GRIP1: variants seen among roughly 807,000 people sequenced by gnomAD.
GRIP1 encodes the protein glutamate receptor-interacting protein 1.
Under a neutral mutation model 129.9 loss-of-function variants are expected in GRIP1, and 45 were observed. That is an observed-to-expected ratio of 0.35 (90% confidence interval 0.27 to 0.44). The LOEUF is 0.44. GRIP1 is among the 20% of genes least tolerant of loss of function. The pLI is 1.00. For synonymous variants in GRIP1, 530 were observed against 520.8 expected (o/e 1.02, Z -0.24); for missense variants, 1,196 against 1,396.8 (o/e 0.86, Z 2.29).
intron 7 of GRIP1, among the ~76,000 whole-genome samples, chr12:66,513,740 A>T (rs1356688882): frequency 6.6e-6 from 1 of 152,148 alleles, no homozygotes; most frequent in African/African-American, 2.4e-5. Context: ...TCCTATAAGG[A>T]GCTGACTAGG....
At chr12:66,977,323 C>T (rs895238084) in intron 1 of GRIP1, among the ~76,000 whole-genome samples, 1 of 151,464 alleles carries the variant, frequency 6.6e-6, no homozygotes, top group Non-Finnish European at 1.5e-5. Context: ...ATCATAAGCT[C>T]TAGAACTGAC....
intron 2 of GRIP1, among the ~76,000 whole-genome samples, chr12:66,583,469 C>T (rs1286528549): frequency 7.8e-5 from 10 of 128,532 alleles, no homozygotes; most frequent in African/African-American, 3.0e-4. Flanking sequence ...AGTGAACAGG[C>T]AACCTACAAA....
chr12:66,383,617 C>T (rs746700475), intron 19 of GRIP1, among the ~76,000 whole-genome samples: 4 of 152,114 alleles, frequency 2.6e-5, no homozygotes, highest in East Asian at 1.9e-4. Flanking sequence ...CTGTGCTGTG[C>T]GGTAAGCAAG....
intron 1 of GRIP1, among the ~76,000 whole-genome samples, chr12:67,039,147 C>T (rs1422546609): frequency 6.6e-6 from 1 of 151,964 alleles, no homozygotes; most frequent in Non-Finnish European, 1.5e-5. Context: ...AGGAGTGAGA[C>T]AGATTTATAT....
At chr12:67,010,452 A>T (rs1410366507) in intron 1 of GRIP1, among the ~76,000 whole-genome samples, 1 of 152,186 alleles carries the variant, frequency 6.6e-6, no homozygotes, top group Non-Finnish European at 1.5e-5. Flanking sequence ...ATGGCAAGAA[A>T]ACACACTAGT....
intron 9 of GRIP1, among the ~76,000 whole-genome samples, chr12:66,461,993 G>A (rs74525644): frequency 0.025 from 3,734 of 152,246 alleles, 149 homozygotes; most frequent in African/African-American, 0.086. Flanking sequence ...TGGAAAACTT[G>A]ACTTCATTTG....
upstream of GRIP1, among the ~76,000 whole-genome samples, chr12:66,809,033 C>T (rs181382729): frequency 2.9e-4 from 44 of 152,274 alleles, no homozygotes; most frequent in East Asian, 6.6e-3. Flanking sequence ...TAGAAAAATT[C>T]GTTCACATGA....
intron 1 of GRIP1, among the ~76,000 whole-genome samples, chr12:66,659,843 T>C (rs1286611135): frequency 6.6e-6 from 1 of 152,112 alleles, no homozygotes; most frequent in Non-Finnish European, 1.5e-5. Context: ...TTCTCTCTAG[T>C]GGAAAAGAAA....
intron 1 of GRIP1, among the ~76,000 whole-genome samples, chr12:67,012,565 C>T (rs796615129): frequency 2.6e-5 from 4 of 152,280 alleles, no homozygotes; most frequent in African/African-American, 9.6e-5. Flanking sequence ...GTGACAAGAG[C>T]TTCATATGCC....
In GRIP1 at chr12:66,893,885, T is replaced by C. The variant is rs74904546; in HGVS notation, c.58+175165A>G. Among the ~76,000 whole-genome samples the C allele has an allele frequency of 5.5e-4, 83 of 152,240 alleles. No individual in the cohort carries two copies. The East Asian group carries it at 0.012, about 23-fold the overall frequency. On this transcript the variant is annotated intron_variant, in intron 1 of 1. Coordinates refer to the GRIP1 transcript ENST00000643019. ...ATCTTACTCAAACCAAAAGCCAAAG[T>C]CTGTCATTCAGTCATCCCAAAGACC...
intron 1 of GRIP1, among the ~76,000 whole-genome samples, chr12:66,950,932 C>T (rs1038652409): frequency 2.6e-5 from 4 of 152,152 alleles, no homozygotes; most frequent in African/African-American, 9.7e-5. Flanking sequence ...GATCAACCAG[C>T]TCAAATCTGC....
intron 1 of GRIP1, among the ~76,000 whole-genome samples, chr12:66,691,752 G>C (rs1443292709): frequency 6.6e-6 from 1 of 152,130 alleles, no homozygotes; most frequent in East Asian, 1.9e-4. Flanking sequence ...CCTAGGAAGA[G>C]AGTCCTTCCA....
intron 1 of GRIP1, among the ~76,000 whole-genome samples, chr12:66,863,002 T>C (rs566696786): frequency 5.3e-5 from 8 of 151,856 alleles, no homozygotes; most frequent in African/African-American, 1.4e-4. Context: ...ACATGTAAAG[T>C]TGGATGATAA....
At chr12:66,946,778 T>G (rs1008097976) in intron 1 of GRIP1, among the ~76,000 whole-genome samples, 1,738 of 11,708 alleles carry the variant, frequency 0.15, 1 homozygote, top group African/African-American at 0.17. Flanking sequence ...GGGGGTGGGG[T>G]GGGGGATGGG....
At chr12:66,845,251 G>T (rs1390718521) in intron 1 of GRIP1, among the ~76,000 whole-genome samples, 2 of 152,164 alleles carry the variant, frequency 1.3e-5, no homozygotes, top group Admixed American at 6.5e-5. Context: ...GAGGTCAGGA[G>T]TTCAAGACCA....
intron 1 of GRIP1, among the ~76,000 whole-genome samples, chr12:66,876,597 G>T (rs978749692): frequency 1.2e-4 from 19 of 152,068 alleles, no homozygotes; most frequent in Non-Finnish European, 2.5e-4. Context: ...CTCATGAGCT[G>T]CATGAATCTT....
At chr12:66,544,413 C>T (rs760526854) in intron 2 of GRIP1, among the ~76,000 whole-genome samples, 5 of 152,174 alleles carry the variant, frequency 3.3e-5, no homozygotes, top group South Asian at 4.1e-4. Context: ...AAAGAGGCAA[C>T]GTCACAGACC....
chr12:66,663,870 T>C (rs2033649997), intron 1 of GRIP1, among the ~76,000 whole-genome samples: 1 of 152,212 alleles, frequency 6.6e-6, no homozygotes, highest in South Asian at 2.1e-4. Flanking sequence ...TGAAAGCCAC[T>C]GTCTAAGGAT....
intron 1 of GRIP1, among the ~76,000 whole-genome samples, chr12:67,006,636 T>G (rs1449035945): frequency 6.6e-6 from 1 of 152,182 alleles, no homozygotes; most frequent in Non-Finnish European, 1.5e-5. Context: ...AGCCTTCATC[T>G]GAGGGTAATT....
Sources: gnomAD v4.1 joint callset for allele counts (sites outside exome capture counted in the v4.1 genomes callset) on GRCh38, gnomAD v4.1.1 for gene constraint, MANE v1.5 for transcripts, NCBI Gene and HGNC (gene_info 2026-07-23, HGNC 2026-07-21) for gene names.